DGKH: variants seen among roughly 807,000 people sequenced by gnomAD.
The protein encoded by DGKH is DAG kinase eta.
In DGKH, 90 loss-of-function variants were observed where a neutral mutation model predicts 159.3. That is an observed-to-expected ratio of 0.57 (90% CI 0.48 to 0.67). The LOEUF (loss-of-function observed/expected upper bound fraction) is 0.67. Ranked by LOEUF, DGKH falls within the 30% of genes least tolerant of loss-of-function variation. The pLI, the probability that DGKH is intolerant of heterozygous loss-of-function variation, is 0.00. For missense variants in DGKH, 1,181 were observed against 1,506.1 expected (o/e 0.78, Z 3.57); for synonymous variants, 536 against 553.8 (o/e 0.97, Z 0.45).
Position 42,137,974 on chromosome 13 carries a change from A to G in DGKH, c.384+8342A>G, listed in dbSNP as rs568011620. On this transcript the variant is annotated intron_variant, in intron 3 of 29. Transcript: ENST00000337343. ...CGTGGAGGAATAATTCAAGCTCAGT[A>G]TAACAGAGAACTTTCTAACTTGAGT... The G allele has an allele frequency of 1.2e-5, 6 of 482,728 alleles. No individual in the cohort carries two copies. In the African/African-American group the frequency reaches 1.3e-4, roughly 10 times the overall value. The allele number at this position is 482,728 out of a possible 1,614,324, so 29.9% of individuals were successfully genotyped here. A position where few individuals can be genotyped will look rare whatever the true frequency, so the allele number is the denominator to read the frequency against.
intron 7 of DGKH, among the ~76,000 whole-genome samples, chr13:42,161,764 A>C (rs1438080016): frequency 6.6e-6 from 1 of 151,336 alleles, no homozygotes; most frequent in Admixed American, 6.6e-5. Flanking sequence ...TGGGTGACAG[A>C]GCAAGACTCT....
At chr13:42,159,242 C>CTGTTTTTTTTTTTTTTTTTT in intron 5 of DGKH, 24 bp from the exon 6 acceptor site, 2 of 159,044 alleles carry the variant, frequency 1.3e-5, no homozygotes, top group Non-Finnish European at 2.0e-5. Context: ...AAAGCAGTTG[C>CTGTTTTTTTTTTTTTTTTTT]TCTTTTTTTT....
At chr13:42,214,695 C>A in intron 25 of DGKH, 83 bp downstream of exon 25, 3 of 1,306,994 alleles carry the variant, frequency 2.3e-6, no homozygotes, top group South Asian at 1.6e-5. Context: ...ATATGCCACG[C>A]CCTGTGACAG....
rs1051271492 is a variant in DGKH at position 42,160,046 on chromosome 13, G to C, written c.765G>C (p.Leu255=). The C allele has an allele frequency of 4.3e-6, 7 of 1,614,204 alleles. No homozygotes were observed. The highest frequency in any genetic ancestry group is 5.9e-6 in the Non-Finnish European group (7 of 1,180,038). The change falls in exon 7 of 30, where the codon CTG becomes CTC. Residue 255 remains leucine (L), a synonymous_variant. Coordinates refer to ENST00000337343, the MANE Select transcript of DGKH (RefSeq NM_178009.5). ...AMPHQWLEGN[L]PVSAKCAVCD... ...CTCACCAGTGGCTTGAGGGCAACCT[G>C]CCTGTAAGTGCCAAGTGTGCTGTCT... is the stretch of plus-strand genomic sequence containing the variant.
intron 30 of DGKH, chr13:42,256,150 T>C (rs1156551819): frequency 2.5e-6 from 3 of 1,187,984 alleles, no homozygotes; most frequent in African/African-American, 1.5e-5. Flanking sequence ...TGACCATGGT[T>C]GTAGCCCAAG....
chr13:42,045,976 T>C (rs145430076), upstream of DGKH, among the ~76,000 whole-genome samples: 1 of 152,342 alleles, frequency 6.6e-6, no homozygotes, highest in Non-Finnish European at 1.5e-5. Context: ...TAATAGGTGT[T>C]CTTTGTTTTA....
intron 1 of DGKH, among the ~76,000 whole-genome samples, chr13:42,075,484 A>G (rs1954076865): frequency 6.6e-6 from 1 of 152,202 alleles, no homozygotes; most frequent in African/African-American, 2.4e-5. Flanking sequence ...TTTTTGCACC[A>G]TTGTTAATCT....
chr13:42,167,811 T>C (rs1956348412), intron 9 of DGKH, among the ~76,000 whole-genome samples: 2 of 152,202 alleles, frequency 1.3e-5, no homozygotes, highest in South Asian at 4.1e-4. Flanking sequence ...CTCGAAGGCT[T>C]CAAGGACCTC....
At chr13:42,212,894 C>A (rs1239298379) in intron 24 of DGKH, among the ~76,000 whole-genome samples, 1 of 152,082 alleles carries the variant, frequency 6.6e-6, no homozygotes, top group Non-Finnish European at 1.5e-5. Flanking sequence ...ACCTTTCATC[C>A]GAGTCTTGAG....
intron 1 of DGKH, among the ~76,000 whole-genome samples, chr13:42,073,590 T>C (rs767490153): frequency 3.9e-5 from 6 of 152,204 alleles, no homozygotes; most frequent in Non-Finnish European, 8.8e-5. Context: ...ATGTGAGTGT[T>C]CTGAGCACAT....
intron 3 of DGKH, among the ~76,000 whole-genome samples, chr13:42,132,979 T>A (rs1483094302): frequency 6.6e-6 from 1 of 151,986 alleles, no homozygotes; most frequent in Non-Finnish European, 1.5e-5. Context: ...CCATCCTGGC[T>A]AACACGGTGA....
intron 1 of DGKH, among the ~76,000 whole-genome samples, chr13:42,063,307 C>T (rs1882316660): frequency 6.6e-6 from 1 of 152,036 alleles, no homozygotes; most frequent in Non-Finnish European, 1.5e-5. Flanking sequence ...CATTCCCGAA[C>T]AGCTGACACA....
In DGKH at chr13:42,065,655, A is replaced by G. The variant is rs796293765; in HGVS notation, c.192+16690A>G. Reference sequence around the variant, plus strand: ...ACTTTACTTTCCTGTACAGTGGTGGACTGGGGGTAGTTGAAGGGAGAGGCG... The same window carrying G: ...ACTTTACTTTCCTGTACAGTGGTGGGCTGGGGGTAGTTGAAGGGAGAGGCG... On this transcript the variant is annotated intron_variant, in intron 1 of 29. Coordinates refer to ENST00000337343, the MANE Select transcript of DGKH (RefSeq NM_178009.5). Among the ~76,000 whole-genome samples, 4 of 152,246 alleles carry G rather than the reference A, an allele frequency of 2.6e-5. 1 individual carries two copies. Among genetic ancestry groups the G allele is most frequent in the African/African-American group, 9.6e-5 (4 of 41,528 alleles).
At chr13:42,184,875 GT>G (rs67713658) in intron 13 of DGKH, among the ~76,000 whole-genome samples, 49,922 of 115,650 alleles carry the variant, frequency 0.43, 9,236 homozygotes, top group Non-Finnish European at 0.5. Context: ...CTCTAAAAAT[GT>G]TTTTTTTTTT....
At chr13:42,165,212 T>A (rs1956281241) in intron 7 of DGKH, 119 bp from the exon 8 acceptor site, 2 of 495,000 alleles carry the variant, frequency 4.0e-6, no homozygotes, top group Non-Finnish European at 7.2e-6. Flanking sequence ...TAAAGTAGTT[T>A]ATGAATTACT....
At chr13:42,064,516 GCT>G (rs2137675036) in intron 1 of DGKH, among the ~76,000 whole-genome samples, 1 of 152,240 alleles carries the variant, frequency 6.6e-6, no homozygotes, top group South Asian at 2.1e-4. Context: ...ACAGTAACAA[GCT>G]CTGGAAATGA....
chr13:42,045,773 C>T (rs932620361), upstream of DGKH, among the ~76,000 whole-genome samples: 1 of 152,094 alleles, frequency 6.6e-6, no homozygotes, highest in Non-Finnish European at 1.5e-5. Flanking sequence ...TAACATTCTG[C>T]GTATTTATGG....
chr13:42,242,994 TGC>T (rs1958542397), downstream of DGKH: 1 of 152,126 alleles, frequency 6.6e-6, no homozygotes, highest in Non-Finnish European at 1.5e-5. Context: ...TAAAAAATAA[TGC>T]AGAGAGAGCT....
At chr13:42,176,229 A>AAT (rs1956600688) in intron 12 of DGKH, among the ~76,000 whole-genome samples, 2 of 152,248 alleles carry the variant, frequency 1.3e-5, no homozygotes, top group Non-Finnish European at 2.9e-5. Flanking sequence ...TTAATACATT[A>AAT]GTCAACTGGC....
Sources: allele counts gnomAD v4.1 joint callset (sites outside exome capture counted in the v4.1 genomes callset), GRCh38; gene constraint gnomAD v4.1.1; transcripts MANE v1.5; gene names NCBI Gene and HGNC (gene_info 2026-07-23, HGNC 2026-07-21).